EGLN1: variants seen among roughly 807,000 people sequenced by gnomAD.
EGLN1 encodes egl-9 family hypoxia inducible factor 1.
A neutral mutation model predicts 38.3 loss-of-function variants in EGLN1; 17 were observed. The ratio of observed to expected loss-of-function variants is 0.44; its 90% CI spans 0.30 to 0.67. The LOEUF is 0.67. Ranked by LOEUF, EGLN1 falls within the 30% of genes least tolerant of loss-of-function variation. The pLI, the probability that EGLN1 is intolerant of heterozygous loss-of-function variation, is 0.08. For synonymous variants in EGLN1, 283 were observed against 257.5 expected, an observed-to-expected ratio of 1.10 and a Z score of -0.95; for missense variants, 477 against 603.3, an observed-to-expected ratio of 0.79 and a Z score of 2.19.
At position 231,421,611 on chromosome 1, in the gene EGLN1, G is replaced by T; in HGVS notation, c.278C>A (p.Pro93His). 7.4e-7 allele frequency: 1 copy of T among 1,346,748 alleles called. No homozygotes were observed. The highest frequency in any genetic ancestry group is 9.4e-7 in the Non-Finnish European group (1 of 1,059,218). The allele number at this position is 1,346,748 out of a possible 1,614,324, so 83.4% of individuals were successfully genotyped here. Residue 93 changes from proline (P) to histidine (H), a missense_variant, in exon 1 of 5, where the codon CCC (proline) becomes CAC (histidine). By Grantham distance (77) the Pro-to-His change is moderately conservative. Around this residue, in one of 4 missense-constraint regions of EGLN1, gnomAD observed 298 missense variants for 288.9 expected, o/e 1.03. Coordinates refer to ENST00000366641, the MANE Select transcript of EGLN1 (RefSeq NM_022051.3). This position sits in a 1 kb window ranked among gnomAD's most constrained non-coding sequence, Gnocchi z 5.5. ...GTCCCGGCGCGCCGCTGCCTTCCTGGGCTCCCGGGCCCCGGCCCTGGGCGG... is the reference window on the plus strand; with the variant it reads ...GTCCCGGCGCGCCGCTGCCTTCCTGTGCTCCCGGGCCCCGGCCCTGGGCGG... Reference protein sequence around the residue: ...VPPPRAGAREPRKAAARRDNA... With the variant: ...VPPPRAGAREHRKAAARRDNA...
chr1:231,395,905 G>C (rs1223021168), intron 1 of EGLN1, among the ~76,000 whole-genome samples: 1 of 152,042 alleles, frequency 6.6e-6, no homozygotes, highest in Non-Finnish European at 1.5e-5. Context: ...TAGACCAGAA[G>C]TGCTGGTCTA....
Position 231,390,041 on chromosome 1 carries a change from TACTG to T in EGLN1, c.892-15946_892-15943del, listed in dbSNP as rs533109582. Among the ~76,000 whole-genome samples the T allele has an allele frequency of 7.0e-3, 1,066 of 152,328 alleles. 13 individuals carry two copies. Among genetic ancestry groups the T allele is most frequent in the African/African-American group, 0.022 (933 of 41,582 alleles). The stretch of plus-strand genomic sequence containing the variant: ...ACATGAAGCACACGACTCTGCCACT[TACTG>T]ACTGTGTTACTTTGGGCAAATTATT... On this transcript the variant is annotated intron_variant, in intron 1 of 4. Coordinates refer to ENST00000366641, the MANE Select transcript of EGLN1 (RefSeq NM_022051.3).
chr1:231,367,687 G>C, intron 3 of EGLN1, 51 bp from the exon 4 acceptor site: 3 of 1,550,018 alleles, frequency 1.9e-6, no homozygotes, highest in Non-Finnish European at 2.7e-6. Flanking sequence ...CGGGGAAAAA[G>C]TGGTATTTTG....
At position 231,370,684 on chromosome 1, in the gene EGLN1, T is replaced by C. The variant is rs1156457644; in HGVS notation, c.1026A>G (p.Ile342Met). 1 of 1,614,144 alleles carries C rather than the reference T, an allele frequency of 6.2e-7. No individual in the cohort carries two copies. Residue 342 changes from isoleucine to methionine, a missense_variant, in exon 3 of 5, where the codon ATA (isoleucine) becomes ATG (methionine). Ile to Met is a conservative substitution (Grantham distance 10). This residue lies in a region of EGLN1 where 59 missense variants were observed against 119.0 expected (regional missense o/e 0.50). Coordinates refer to ENST00000366641, the MANE Select transcript of EGLN1 (RefSeq NM_022051.3). The stretch of plus-strand genomic sequence containing the variant: ...CTTTGCCTTCTGGAAAAATTCGAAG[T>C]ATACCTCCACTTACCTAGGAAAAGA... ...KDWDAKVSGG[I>M]LRIFPEGKAQ...
chr1:231,376,897 C>G (rs1187626195), intron 1 of EGLN1, among the ~76,000 whole-genome samples: 1 of 152,120 alleles, frequency 6.6e-6, no homozygotes, highest in Non-Finnish European at 1.5e-5. Flanking sequence ...CAGGAAAGAG[C>G]AGCAGGCCAG....
At chr1:231,386,657 T>C (rs983200125) in intron 1 of EGLN1, among the ~76,000 whole-genome samples, 3 of 152,232 alleles carry the variant, frequency 2.0e-5, no homozygotes, top group African/African-American at 7.2e-5. Context: ...CTCTTATTTA[T>C]TCTTGTACTC....
chr1:231,368,306 T>C (rs936703880), intron 3 of EGLN1, among the ~76,000 whole-genome samples: 21 of 152,218 alleles, frequency 1.4e-4, no homozygotes, highest in African/African-American at 5.1e-4. Context: ...CTCAGGGCAT[T>C]GCAGGCTAAC....
chr1:231,412,477 A>G (rs943038740), intron 1 of EGLN1, among the ~76,000 whole-genome samples: 2 of 152,214 alleles, frequency 1.3e-5, no homozygotes, highest in Non-Finnish European at 1.5e-5. Context: ...CAAACTTCGT[A>G]TATTTCTTTT....
At position 231,421,895 on chromosome 1, in the gene EGLN1, G is replaced by T. The variant is rs942215355; in HGVS notation, c.-7C>A. 2 of 1,413,966 alleles carry T rather than the reference G, an allele frequency of 1.4e-6. No individual in the cohort carries two copies. The highest frequency in any genetic ancestry group is 1.8e-6 in the Non-Finnish European group (2 of 1,093,958). 87.6% of individuals were successfully genotyped at this position (1,413,966 alleles called of 1,614,324 possible). On this transcript the variant is annotated 5_prime_UTR_variant, in exon 1 of 5. Coordinates refer to ENST00000366641, the MANE Select transcript of EGLN1 (RefSeq NM_022051.3). The surrounding 1 kb of genome is among the most constrained non-coding windows in gnomAD (Gnocchi z 5.5). ...CGCCGCTGTCATTGGCCATGGCGGC[G>T]GCGGCGGCGGCGACGGCGACTGCGG...
In EGLN1 at chr1:231,422,107, C is replaced by T. The variant is rs1416651880; in HGVS notation, c.-219G>A. 1 of 407,240 alleles carries T rather than the reference C, an allele frequency of 2.5e-6. No individual in the cohort carries two copies. The highest frequency in any genetic ancestry group is 2.1e-5 in the African/African-American group (1 of 47,168). 25.2% of individuals were successfully genotyped at this position (407,240 alleles called of 1,614,324 possible). ...GCAGCGCCGGCAGCCGCCTCAGCGC[C>T]TCATCGCCGCCGAGGGCTGAGAGAA... is the stretch of plus-strand genomic sequence containing the variant. On this transcript the variant is annotated 5_prime_UTR_variant, in exon 1 of 5. Transcript: ENST00000366641.
At chr1:231,418,656 G>A (rs1045285974) in intron 1 of EGLN1, among the ~76,000 whole-genome samples, 3 of 152,236 alleles carry the variant, frequency 2.0e-5, no homozygotes, top group South Asian at 2.1e-4. Flanking sequence ...CTGAGCCGAG[G>A]AGTTCGAGAT....
rs74738483 is a variant in EGLN1, at chr1:231,411,023, G to A, written c.891+9975C>T. On this transcript the variant is annotated intron_variant, in intron 1 of 4. Transcript: ENST00000366641. ...CAAAACTATAGAAGCCAAGCTCCTA[G>A]TCACCATTTATAGAGGAAAATTGGA... Among the ~76,000 whole-genome samples, 265 of 152,242 alleles carry A rather than the reference G, an allele frequency of 1.7e-3. 1 individual carries two copies. Among genetic ancestry groups the A allele is most frequent in the Non-Finnish European group, 3.0e-3 (202 of 68,004 alleles).
At chr1:231,409,099 A>G (rs1012055595) in intron 1 of EGLN1, among the ~76,000 whole-genome samples, 6 of 152,176 alleles carry the variant, frequency 3.9e-5, no homozygotes, top group African/African-American at 1.4e-4. Context: ...AGAGACTAAT[A>G]GGAAATTAGT....
chr1:231,389,947 A>G (rs1256082545), intron 1 of EGLN1, among the ~76,000 whole-genome samples: 1 of 152,092 alleles, frequency 6.6e-6, no homozygotes, highest in Non-Finnish European at 1.5e-5. Context: ...ATGCTCTCTG[A>G]AAACAAACAA....
At chr1:231,377,378 T>C (rs572800272) in intron 1 of EGLN1, among the ~76,000 whole-genome samples, 1 of 152,332 alleles carries the variant, frequency 6.6e-6, no homozygotes, top group South Asian at 2.1e-4. Context: ...AAGTTAGCTA[T>C]TAAAGTTTCC....
chr1:231,386,590 ATTTT>A (rs1012225340), intron 1 of EGLN1, among the ~76,000 whole-genome samples: 5 of 151,342 alleles, frequency 3.3e-5, no homozygotes, highest in African/African-American at 1.2e-4. Context: ...AAACACACTC[ATTTT>A]TTTTTCTGGG....
intron 1 of EGLN1, among the ~76,000 whole-genome samples, chr1:231,380,315 CAAAAAAAAAA>C (rs35280417): frequency 6.9e-5 from 7 of 101,842 alleles, no homozygotes; most frequent in Middle Eastern, 0.011. Flanking sequence ...GACTCCGTCT[CAAAAAAAAAA>C]AAAAAAAAAA....
Position 231,422,043 on chromosome 1 carries a change from C to G in EGLN1, c.-155G>C. The G allele has an allele frequency of 1.3e-6, 1 of 781,184 alleles. No individual in the cohort carries two copies. The highest frequency in any genetic ancestry group is 3.4e-5 in the South Asian group (1 of 29,646). The allele number at this position is 781,184 out of a possible 1,614,324, so 48.4% of individuals were successfully genotyped here. The stretch of plus-strand genomic sequence containing the variant: ...TCGCCTCAGGGAGGCCGGCACCCCA[C>G]GCCCTCGGCCCGGCCGCTTCCGAGT... On this transcript the variant is annotated 5_prime_UTR_variant, in exon 1 of 5. Transcript: ENST00000366641.
chr1:231,387,611 G>C (rs111240497), intron 1 of EGLN1, among the ~76,000 whole-genome samples: 1 of 151,898 alleles, frequency 6.6e-6, no homozygotes, highest in Non-Finnish European at 1.5e-5. Context: ...TGCCCGCCTC[G>C]GCCTCCCAAA....
Sources: gnomAD v4.1 joint callset for allele counts (sites outside exome capture counted in the v4.1 genomes callset) on GRCh38, gnomAD v4.1.1 for gene constraint, gnomAD v4.1.1 regional missense constraint, Gnocchi (gnomAD v3.1) non-coding constraint, MANE v1.5 for transcripts, NCBI Gene and HGNC (gene_info 2026-07-23, HGNC 2026-07-21) for gene names.